Variants in BAZ2B observed in about 807,000 individuals in gnomAD.
BAZ2B encodes the protein bromodomain adjacent to zinc finger domain 2B.
BAZ2B carries 91 observed loss-of-function variants against 246.0 expected under a neutral mutation model. That is an observed-to-expected ratio of 0.37 (90% CI 0.31 to 0.44). The LOEUF (loss-of-function observed/expected upper bound fraction) is 0.44. Ranked by LOEUF, BAZ2B falls within the 20% of genes least tolerant of loss-of-function variation. The pLI is 1.00. For missense variants in BAZ2B, 2,332 were observed against 2,533.7 expected (o/e 0.92, Z 1.71); for synonymous variants, 855 against 860.0 (o/e 0.99, Z 0.10).
Position 159,438,587 on chromosome 2 carries a change from T to C in BAZ2B, c.1009A>G (p.Thr337Ala), listed in dbSNP as rs1481174438. Residue 337 changes from threonine (T) to alanine (A), a missense_variant, in exon 8 of 37, where the codon ACT (threonine) becomes GCT (alanine). By Grantham distance (58) the Thr-to-Ala change is moderately conservative. Around this residue, in one of 9 missense-constraint regions of BAZ2B, gnomAD observed 161 missense variants for 225.8 expected, o/e 0.71. Transcript: ENST00000392783. ...QPLPLASESQ[T>A]HSFQSQQKQP... ...TTCTGCTGGGATTGGAATGAGTGAG[T>C]CTGGGATTCAGACGCAAGAGGTAAT... The C allele has an allele frequency of 1.2e-6, 2 of 1,614,122 alleles. No homozygotes were observed. The highest frequency in any genetic ancestry group is 2.2e-5 in the East Asian group (1 of 44,872).
intron 2 of BAZ2B, among the ~76,000 whole-genome samples, chr2:159,524,382 A>T (rs1357648440): frequency 6.6e-6 from 1 of 152,098 alleles, no homozygotes; most frequent in Non-Finnish European, 1.5e-5. Flanking sequence ...TTGAGCCGGG[A>T]AGTCAAGGCT....
chr2:159,485,870 C>T (rs1375341632), intron 2 of BAZ2B, among the ~76,000 whole-genome samples: 1 of 151,980 alleles, frequency 6.6e-6, no homozygotes, highest in African/African-American at 2.4e-5. Flanking sequence ...TAAAGATTTA[C>T]TCTTGTTGTA....
chr2:159,704,586 G>C, the BAZ2B span, among the ~76,000 whole-genome samples: 1 of 150,562 alleles, frequency 6.6e-6, no homozygotes, highest in Non-Finnish European at 1.5e-5. Context: ...GGGTTCAAGT[G>C]ATTCTCCTGC....
At chr2:159,398,716 A>T in intron 18 of BAZ2B, 113 bp downstream of exon 18, 1 of 922,932 alleles carries the variant, frequency 1.1e-6, no homozygotes. Flanking sequence ...TCTGCTAAAC[A>T]TATTTTCAGA....
At chr2:159,656,633 T>C in the BAZ2B span, among the ~76,000 whole-genome samples, 2 of 152,150 alleles carry the variant, frequency 1.3e-5, no homozygotes, top group African/African-American at 4.8e-5. Context: ...GCAATACGTG[T>C]TTAAGGTTTC....
At chr2:159,708,244 T>C in the BAZ2B span, among the ~76,000 whole-genome samples, 2 of 151,680 alleles carry the variant, frequency 1.3e-5, no homozygotes, top group African/African-American at 4.8e-5. Context: ...CAGTGAGCTA[T>C]GATGGTACCG....
At position 159,325,924 on chromosome 2, in the gene BAZ2B, AT is replaced by A; in HGVS notation, c.5944-7del. 6.4e-7 allele frequency: 1 copy of A among 1,569,626 alleles called. No individual in the cohort carries two copies. The highest frequency in any genetic ancestry group is 8.6e-7 in the Non-Finnish European group (1 of 1,164,318). On this transcript the variant is annotated splice_region_variant and splice_polypyrimidine_tract_variant and intron_variant, in intron 34 of 36. Transcript: ENST00000392783. ...TTTAGAGTTTGACCACTTGCCTTTAATTTAAAAAAAAAGTAAATGAGGTGTA... is the reference window on the plus strand; with the variant it reads ...TTTAGAGTTTGACCACTTGCCTTTAATTAAAAAAAAAGTAAATGAGGTGTA...
the BAZ2B span, among the ~76,000 whole-genome samples, chr2:159,710,133 C>T: frequency 3.3e-5 from 5 of 152,066 alleles, no homozygotes; most frequent in Admixed American, 6.5e-5. Context: ...CACTTTGTGA[C>T]GATTTTTAGT....
At chr2:159,613,488 C>CATT (rs1695155870) in intron 1 of BAZ2B, among the ~76,000 whole-genome samples, 1 of 147,812 alleles carries the variant, frequency 6.8e-6, no homozygotes, top group African/African-American at 2.5e-5. Flanking sequence ...GACTCTTCAT[C>CATT]ATCGTAGGCT....
At chr2:159,587,230 C>T (rs1295146128) in intron 1 of BAZ2B, among the ~76,000 whole-genome samples, 1 of 152,078 alleles carries the variant, frequency 6.6e-6, no homozygotes, top group Non-Finnish European at 1.5e-5. Context: ...AGGCGCCTGC[C>T]ACCACGCCTG....
At chr2:159,676,289 T>A in the BAZ2B span, among the ~76,000 whole-genome samples, 1 of 152,068 alleles carries the variant, frequency 6.6e-6, no homozygotes. Flanking sequence ...CGCCTTGGCC[T>A]CCCAAACTGC....
At chr2:159,337,160 C>T in intron 32 of BAZ2B, 83 bp from the exon 33 acceptor site, 1 of 1,469,810 alleles carries the variant, frequency 6.8e-7, no homozygotes. Context: ...CACTGAAAGC[C>T]AAGCAATGAC....
chr2:159,531,035 C>A (rs2085327638), intron 2 of BAZ2B, among the ~76,000 whole-genome samples: 1 of 151,996 alleles, frequency 6.6e-6, no homozygotes, highest in African/African-American at 2.4e-5. Context: ...GTAAAAATAC[C>A]TGCAATTGAA....
chr2:159,389,432 C>T lies in BAZ2B; in HGVS notation c.3129G>A (p.Glu1043=), dbSNP rs747491156. The change falls in exon 21 of 37, where the codon GAG becomes GAA. Residue 1043 remains glutamate (E), a synonymous_variant. Coordinates refer to ENST00000392783, the MANE Select transcript of BAZ2B (RefSeq NM_013450.4). Reference sequence around the variant, plus strand: ...CTAATCTTCGCTGCTCTAGTTTACGCTCTTTATTTAATCTTTTCTCATCAC... The same window carrying T: ...CTAATCTTCGCTGCTCTAGTTTACGTTCTTTATTTAATCTTTTCTCATCAC... The part of the protein sequence containing the change: ...EKRDEKRLNK[E]RKLEQRRLEL... 1.2e-6 allele frequency: 2 copies of T among 1,611,254 alleles called. No individual in the cohort carries two copies. The highest frequency in any genetic ancestry group is 1.1e-5 in the South Asian group (1 of 90,434).
chr2:159,614,978 T>G (rs1695575106), intron 1 of BAZ2B, among the ~76,000 whole-genome samples: 1 of 152,128 alleles, frequency 6.6e-6, no homozygotes, highest in African/African-American at 2.4e-5. Flanking sequence ...GAGAGAGACT[T>G]GGGAATAAAA....
intron 3 of BAZ2B, among the ~76,000 whole-genome samples, chr2:159,473,823 G>C (rs2078147207): frequency 2.0e-5 from 3 of 152,092 alleles, no homozygotes; most frequent in Non-Finnish European, 4.4e-5. Flanking sequence ...TATTTACCTG[G>C]TAGTCATTCA....
intron 2 of BAZ2B, among the ~76,000 whole-genome samples, chr2:159,525,889 C>A (rs527317456): frequency 1.6e-4 from 25 of 152,216 alleles, no homozygotes; most frequent in Non-Finnish European, 3.2e-4. Context: ...TTTAATGCTG[C>A]AAACAATGGT....
chr2:159,328,581 T>C (rs932449452), intron 34 of BAZ2B, among the ~76,000 whole-genome samples: 1 of 152,144 alleles, frequency 6.6e-6, no homozygotes, highest in Non-Finnish European at 1.5e-5. Context: ...ATGGCAACAA[T>C]TGGGTGGAGT....
At position 159,324,973 on chromosome 2, in the gene BAZ2B, G is replaced by T; in HGVS notation, c.6210-19C>A. On this transcript the variant is annotated intron_variant, in intron 35 of 36. Coordinates refer to ENST00000392783, the MANE Select transcript of BAZ2B (RefSeq NM_013450.4). The stretch of plus-strand genomic sequence containing the variant: ...AATCATACTAAAGAAAATAATGTTT[G>T]AAATCAGTATCCATACTTTACAACT... 2 of 1,481,730 alleles carry T rather than the reference G, an allele frequency of 1.3e-6. No individual in the cohort carries two copies. The highest frequency in any genetic ancestry group is 1.8e-6 in the Non-Finnish European group (2 of 1,126,334). The allele number at this position is 1,481,730 out of a possible 1,614,324, so 91.8% of individuals were successfully genotyped here.
Sources: gnomAD v4.1 joint callset for allele counts (sites outside exome capture counted in the v4.1 genomes callset) on GRCh38, gnomAD v4.1.1 for gene constraint, gnomAD v4.1.1 regional missense constraint, MANE v1.5 for transcripts, NCBI Gene and HGNC (gene_info 2026-07-23, HGNC 2026-07-21) for gene names.